ETF1: variants seen among roughly 807,000 people sequenced by gnomAD.
ETF1 encodes the protein eukaryotic peptide chain release factor subunit 1.
In ETF1, 4 loss-of-function variants were observed where a neutral mutation model predicts 55.1. The observed-to-expected ratio is 0.07, with a 90% CI of 0.04 to 0.17. The LOEUF (loss-of-function observed/expected upper bound fraction) is 0.17, where lower values mean the gene tolerates loss of function less well. Ranked by LOEUF, ETF1 falls within the 10% of genes least tolerant of loss-of-function variation. The probability of loss-of-function intolerance (pLI) is 1.00; values close to 1 mark genes in which losing one functional copy is unlikely to be tolerated. For synonymous variants in ETF1, 157 were observed against 182.3 expected (o/e 0.86, Z 1.12); for missense variants, 142 against 523.6 (o/e 0.27, Z 7.11).
At chr5:138,516,373 C>A (rs933578303) in intron 4 of ETF1, among the ~76,000 whole-genome samples, 4 of 151,108 alleles carry the variant, frequency 2.6e-5, no homozygotes, top group African/African-American at 9.7e-5. Flanking sequence ...AAAATCAAAA[C>A]ACACACACAC....
intron 1 of ETF1, 62 bp from the exon 2 acceptor site, chr5:138,542,998 CAGAG>C: frequency 6.7e-7 from 1 of 1,483,720 alleles, no homozygotes; most frequent in Non-Finnish European, 9.3e-7. Flanking sequence ...GCCGCTGGGG[CAGAG>C]CGGCCCCCTT....
At chr5:138,524,804 C>T (rs1394513962) in intron 2 of ETF1, among the ~76,000 whole-genome samples, 1 of 151,922 alleles carries the variant, frequency 6.6e-6, no homozygotes, top group Non-Finnish European at 1.5e-5. Flanking sequence ...TCTTGATCTC[C>T]TGACTTCATG....
At chr5:138,514,926 T>A (rs1224920646) in intron 4 of ETF1, among the ~76,000 whole-genome samples, 1 of 152,188 alleles carries the variant, frequency 6.6e-6, no homozygotes, top group Non-Finnish European at 1.5e-5. Flanking sequence ...TCTTTGGAAG[T>A]AAGAAATTGT....
chr5:138,513,539 A>C (rs1169891777), intron 5 of ETF1, 29 bp downstream of exon 5: 1 of 1,546,266 alleles, frequency 6.5e-7, no homozygotes, highest in Non-Finnish European at 8.9e-7. Context: ...ACACAAAGTA[A>C]GTGGGTTCAT....
At chr5:138,533,621 G>C (rs183623586) in intron 2 of ETF1, among the ~76,000 whole-genome samples, 12 of 152,278 alleles carry the variant, frequency 7.9e-5, no homozygotes, top group Admixed American at 6.5e-4. Context: ...GGGAGGCAGT[G>C]GTTGCGGTGA....
intron 2 of ETF1, among the ~76,000 whole-genome samples, chr5:138,538,314 C>T (rs4835688): frequency 0.16 from 24,879 of 151,572 alleles, 2,696 homozygotes; most frequent in Non-Finnish European, 0.21. Flanking sequence ...CTCAGCCTCC[C>T]GAGTAGCTGG....
Position 138,543,082 on chromosome 5 carries a change from C to T in ETF1, c.-19+15G>A. ...CGCCACAAAGGTCACCGGCCTTTCC[C>T]TCCCTGTGCCTTACCTAAGGGCCCA... On this transcript the variant is annotated intron_variant, in intron 1 of 10. Transcript: ENST00000360541. 1.4e-6 allele frequency: 1 copy of T among 693,110 alleles called. No individual in the cohort carries two copies. 42.9% of individuals were successfully genotyped at this position (693,110 alleles called of 1,614,324 possible).
chr5:138,529,764 T>C, intron 2 of ETF1: 1 of 965,030 alleles, frequency 1.0e-6, no homozygotes, highest in Non-Finnish European at 1.2e-6. Context: ...GAAAGATAAT[T>C]TTTTTAGAGA....
chr5:138,529,179 CAAAA>C (rs200791305), intron 2 of ETF1, among the ~76,000 whole-genome samples: 1 of 151,516 alleles, frequency 6.6e-6, no homozygotes, highest in African/African-American at 2.4e-5. Context: ...AACAAACAAA[CAAAA>C]AAAACAAGCA....
chr5:138,520,347 T>TTC (rs1483369470), intron 2 of ETF1, among the ~76,000 whole-genome samples: 3 of 152,090 alleles, frequency 2.0e-5, no homozygotes, highest in African/African-American at 4.8e-5. Flanking sequence ...CTAAAGGAAA[T>TTC]GGGTAAATAC....
At chr5:138,513,512 TG>T in intron 5 of ETF1, 55 bp downstream of exon 5, 1 of 1,454,200 alleles carries the variant, frequency 6.9e-7, no homozygotes. Context: ...CCCACCATAC[TG>T]TTTTCTTATT....
At chr5:138,531,242 A>G (rs186828257) in intron 2 of ETF1, among the ~76,000 whole-genome samples, 15 of 152,304 alleles carry the variant, frequency 9.8e-5, no homozygotes, top group African/African-American at 1.4e-4. Flanking sequence ...TAAGGTGCTT[A>G]TAAGTAGTGG....
chr5:138,535,773 A>G (rs1765899595), intron 2 of ETF1, among the ~76,000 whole-genome samples: 1 of 144,170 alleles, frequency 6.9e-6, no homozygotes, highest in African/African-American at 2.5e-5. Flanking sequence ...CTGTAATCCC[A>G]GCTACTCGGG....
chr5:138,530,355 T>G (rs770382440), intron 2 of ETF1, among the ~76,000 whole-genome samples: 9 of 151,842 alleles, frequency 5.9e-5, no homozygotes, highest in Non-Finnish European at 1.0e-4. Flanking sequence ...CTCGGCTCAC[T>G]GCAGCTTCTG....
At chr5:138,524,722 C>A (rs1561838336) in intron 2 of ETF1, among the ~76,000 whole-genome samples, 1 of 151,580 alleles carries the variant, frequency 6.6e-6, no homozygotes, top group Non-Finnish European at 1.5e-5. Flanking sequence ...GGACTACAGG[C>A]ACACGCCATC....
chr5:138,510,065 A>T (rs1479069219), intron 9 of ETF1, among the ~76,000 whole-genome samples: 2 of 151,014 alleles, frequency 1.3e-5, no homozygotes, highest in African/African-American at 4.9e-5. Context: ...TCTCAAAGAA[A>T]AAAAAAAAAA....
At chr5:138,510,169 G>C (rs115726779) in intron 9 of ETF1, among the ~76,000 whole-genome samples, 8,398 of 151,040 alleles carry the variant, frequency 0.056, 725 homozygotes, top group African/African-American at 0.19. Context: ...CCAGCCCAGG[G>C]CAACATGGTG....
rs1764625235 is a variant in ETF1 at position 138,508,173 on chromosome 5, C to T, written c.*132G>A. On this transcript the variant is annotated 3_prime_UTR_variant, in exon 11 of 11. Transcript: ENST00000360541. ...TTGTTTCGGTTTTCTTTTCAATATC[C>T]AATGCTCATGGATTAAGTTCTGGAA... 2 of 1,148,862 alleles carry T rather than the reference C, an allele frequency of 1.7e-6. No individual in the cohort carries two copies. 71.2% of individuals were successfully genotyped at this position (1,148,862 alleles called of 1,614,324 possible).
intron 2 of ETF1, chr5:138,529,689 A>C (rs1279974020): frequency 1.0e-6 from 1 of 984,764 alleles, no homozygotes. Context: ...CTGAAAAATC[A>C]AACAGGTGAA....
Sources: allele counts gnomAD v4.1 joint callset (sites outside exome capture counted in the v4.1 genomes callset), GRCh38; gene constraint gnomAD v4.1.1; transcripts MANE v1.5; gene names NCBI Gene and HGNC (gene_info 2026-07-23, HGNC 2026-07-21).